GPR161: variants seen among roughly 807,000 people sequenced by gnomAD.
The protein encoded by GPR161 is G protein-coupled receptor 161.
A neutral mutation model predicts 39.2 loss-of-function variants in GPR161; 25 were observed. The ratio of observed to expected loss-of-function variants is 0.64; its 90% CI spans 0.47 to 0.89. The LOEUF is 0.89. GPR161 is among the 40% of genes least tolerant of loss of function. GPR161 has a pLI of 0.00. For synonymous variants in GPR161, 286 were observed against 276.6 expected (o/e 1.03, Z -0.34); for missense variants, 547 against 677.8 (o/e 0.81, Z 2.14).
Position 168,105,025 on chromosome 1 carries a change from C to A in GPR161, c.-44-131G>T, listed in dbSNP as rs116452428. 1.3e-3 allele frequency: 881 copies of A among 654,290 alleles called. 6 individuals are homozygous for A. Among genetic ancestry groups the A allele is most frequent in the African/African-American group, 0.012 (662 of 55,182 alleles). The allele number at this position is 654,290 out of a possible 1,614,324, so 40.5% of individuals were successfully genotyped here. A position where few individuals can be genotyped will look rare whatever the true frequency, so the allele number is the denominator to read the frequency against. On this transcript the variant is annotated intron_variant, in intron 1 of 5. Transcript: ENST00000682931. ...TCACCCAGCTAGTACAGACTCTCAGCGGGTCTTCCCCACGTAAGCGCTACA... is the reference window on the plus strand; with the variant it reads ...TCACCCAGCTAGTACAGACTCTCAGAGGGTCTTCCCCACGTAAGCGCTACA...
chr1:168,096,974 G>A lies in GPR161; in HGVS notation c.633C>T (p.Ile211=), dbSNP rs530886675. 49 of 1,614,184 alleles carry A rather than the reference G, an allele frequency of 3.0e-5. No homozygotes were observed. The South Asian group carries it at 5.2e-4, about 17-fold the overall frequency. The change falls in exon 3 of 6, where the codon ATC becomes ATT. Residue 211 remains isoleucine, a synonymous_variant. Transcript: ENST00000682931. The part of the protein sequence containing the change: ...FLVMLVCYGF[I]FRVARVKARK... Reference sequence around the variant, plus strand: ...GTGCCTTGACCCTGGCCACGCGGAAGATGAAGCCATAGCACACCAGCATGA... The same window carrying A: ...GTGCCTTGACCCTGGCCACGCGGAAAATGAAGCCATAGCACACCAGCATGA...
chr1:168,079,862 C>T lies in GPR161; in HGVS notation c.*5669G>A, dbSNP rs1693946704. ...TGATTCTCCCTAGGACTGTCTTTTC[C>T]TCTGGGAGGACTGACTCACCTGTGA... is the stretch of plus-strand genomic sequence containing the variant. On this transcript the variant is annotated 3_prime_UTR_variant, in exon 6 of 6. Coordinates refer to ENST00000682931, the MANE Select transcript of GPR161 (RefSeq NM_001375883.1). 6.6e-6 allele frequency: 1 copy of T among 152,098 alleles called. No homozygotes were observed. The highest frequency in any genetic ancestry group is 2.4e-5 in the African/African-American group (1 of 41,412). The allele number at this position is 152,098 out of a possible 1,614,324, so 9.4% of individuals were successfully genotyped here. A position where few individuals can be genotyped will look rare whatever the true frequency, so the allele number is the denominator to read the frequency against.
chr1:168,125,537 T>G (rs1698521257), intron 1 of GPR161, among the ~76,000 whole-genome samples: 1 of 152,182 alleles, frequency 6.6e-6, no homozygotes, highest in Non-Finnish European at 1.5e-5. Context: ...ATGAATTTTT[T>G]TGAAGAGACC....
At chr1:168,090,143 G>GTAA (rs1000892320) in intron 4 of GPR161, among the ~76,000 whole-genome samples, 28 of 152,300 alleles carry the variant, frequency 1.8e-4, no homozygotes, top group African/African-American at 6.7e-4. Context: ...GAAAGTTGAG[G>GTAA]GTTTAGGAGG....
At chr1:168,113,360 C>A (rs1697376896) in intron 1 of GPR161, among the ~76,000 whole-genome samples, 1 of 152,058 alleles carries the variant, frequency 6.6e-6, no homozygotes, top group Non-Finnish European at 1.5e-5. Context: ...GACAGCTGTC[C>A]CTCTCAGACA....
chr1:168,126,204 G>A (rs763439095), intron 1 of GPR161, among the ~76,000 whole-genome samples: 5 of 152,226 alleles, frequency 3.3e-5, no homozygotes, highest in Admixed American at 2.6e-4. Flanking sequence ...TAGGGCAGGA[G>A]AGGATGCATG....
Position 168,087,584 on chromosome 1 carries a change from C to T in GPR161, c.1324+1G>A. On this transcript the variant is annotated splice_donor_variant, in intron 5 of 5. Coordinates refer to ENST00000682931, the MANE Select transcript of GPR161 (RefSeq NM_001375883.1). LOFTEE classifies it high-confidence loss of function. ...TGAAGCAATCAGTCACAGAAGCCAA[C>T]CTTTGATTTGTTCCACTTCATCCTC... is the stretch of plus-strand genomic sequence containing the variant. The T allele has an allele frequency of 6.2e-7, 1 of 1,614,126 alleles. No homozygotes were observed. The highest frequency in any genetic ancestry group is 8.5e-7 in the Non-Finnish European group (1 of 1,179,994).
At chr1:168,126,484 C>T (rs932174778) in intron 1 of GPR161, among the ~76,000 whole-genome samples, 1 of 152,096 alleles carries the variant, frequency 6.6e-6, no homozygotes, top group Non-Finnish European at 1.5e-5. Flanking sequence ...GACAGCGTCT[C>T]ACTCTGTCAC....
rs538105410 is a variant in GPR161 at position 168,111,796 on chromosome 1, A to C, written c.-44-6902T>G. Among the ~76,000 whole-genome samples, 5 of 152,356 alleles carry C rather than the reference A, an allele frequency of 3.3e-5. No homozygotes were observed. The South Asian group carries it at 1.0e-3, about 32-fold the overall frequency. On this transcript the variant is annotated intron_variant, in intron 1 of 5. Transcript: ENST00000682931. ...TATGATTGAACATTTTCTAGGATTAAAGAAATATCCTCAAATTGAAAGAGC... is the reference window on the plus strand; with the variant it reads ...TATGATTGAACATTTTCTAGGATTACAGAAATATCCTCAAATTGAAAGAGC...
intron 1 of GPR161, among the ~76,000 whole-genome samples, chr1:168,133,635 C>CT (rs889308191): frequency 2.0e-5 from 3 of 152,240 alleles, no homozygotes; most frequent in Middle Eastern, 3.4e-3. Context: ...TTATGTTTTT[C>CT]TTTTTTTAAC....
intron 1 of GPR161, among the ~76,000 whole-genome samples, chr1:168,117,315 T>C (rs1697714917): frequency 6.6e-6 from 1 of 152,230 alleles, no homozygotes; most frequent in African/African-American, 2.4e-5. Flanking sequence ...ATATATGACA[T>C]ACTATTACAC....
At chr1:168,133,948 T>A (rs1283055438) in intron 1 of GPR161, 1 of 853,642 alleles carries the variant, frequency 1.2e-6, no homozygotes, top group African/African-American at 1.8e-5. Context: ...TTACAGTGGT[T>A]ATCTCAAAGG....
rs528535779 is a variant in GPR161 at position 168,131,404 on chromosome 1, G to A, written c.-45+5335C>T. 5.9e-5 allele frequency among the ~76,000 whole-genome samples: 9 copies of A among 151,464 alleles called. No homozygotes were observed. In the East Asian group the frequency reaches 1.5e-3, roughly 26 times the overall value. On this transcript the variant is annotated intron_variant, in intron 1 of 5. Transcript: ENST00000682931. ...ACTCACTGTTGTTCTCAACTCTGTG[G>A]CTCTGTACACTGTTATCACTGCCCA...
intron 3 of GPR161, among the ~76,000 whole-genome samples, chr1:168,095,192 A>G (rs771218420): frequency 5.3e-5 from 8 of 152,280 alleles, no homozygotes; most frequent in Non-Finnish European, 1.2e-4. Context: ...TAAGTACTCT[A>G]CAAAGCTGTC....
At chr1:168,123,581 T>TACACAC (rs1558135120) in intron 1 of GPR161, among the ~76,000 whole-genome samples, 1 of 119,936 alleles carries the variant, frequency 8.3e-6, no homozygotes, top group African/African-American at 3.4e-5. Context: ...CACACACACT[T>TACACAC]GTTTGCATGG....
chr1:168,096,018 C>T (rs1488750156), intron 3 of GPR161, among the ~76,000 whole-genome samples: 1 of 151,584 alleles, frequency 6.6e-6, no homozygotes, highest in Non-Finnish European at 1.5e-5. Flanking sequence ...CCTATAATCC[C>T]AGCTACTTGG....
At chr1:168,125,875 C>A (rs111505889) in intron 1 of GPR161, among the ~76,000 whole-genome samples, 1,979 of 152,280 alleles carry the variant, frequency 0.013, 35 homozygotes, top group African/African-American at 0.044. Context: ...CTCGGCCTCC[C>A]AAAGTGCTGG....
intron 1 of GPR161, among the ~76,000 whole-genome samples, chr1:168,112,552 A>T (rs1697289163): frequency 6.6e-6 from 1 of 151,088 alleles, no homozygotes; most frequent in Non-Finnish European, 1.5e-5. Context: ...TAATCTAAGT[A>T]GGAACAATAA....
chr1:168,110,924 C>CAAAAAAAAAA (rs34703966), intron 1 of GPR161, among the ~76,000 whole-genome samples: 1 of 131,620 alleles, frequency 7.6e-6, no homozygotes, highest in Non-Finnish European at 1.6e-5. Flanking sequence ...AACTCTATCT[C>CAAAAAAAAAA]AAAAAAAAAA....
Sources: gnomAD v4.1 joint callset for allele counts (sites outside exome capture counted in the v4.1 genomes callset) on GRCh38, gnomAD v4.1.1 for gene constraint, MANE v1.5 for transcripts, NCBI Gene and HGNC (gene_info 2026-07-23, HGNC 2026-07-21) for gene names.